Variants in VWA3A observed in about 807,000 individuals in gnomAD.
VWA3A encodes the protein von Willebrand factor A domain-containing protein 3A.
VWA3A carries 134 observed loss-of-function variants against 160.4 expected under a neutral mutation model. The observed-to-expected ratio is 0.84, with a 90% CI of 0.73 to 0.96. The LOEUF (loss-of-function observed/expected upper bound fraction) is 0.96, where lower values mean the gene tolerates loss of function less well. VWA3A is among the 40% of genes least tolerant of loss of function. The probability of loss-of-function intolerance (pLI) is 0.00; values close to 1 mark genes in which losing one functional copy is unlikely to be tolerated. For synonymous variants in VWA3A, 476 were observed against 543.4 expected, an observed-to-expected ratio of 0.88 and a Z score of 1.72; for missense variants, 1,310 against 1,447.9, an observed-to-expected ratio of 0.90 and a Z score of 1.55.
intron 11 of VWA3A, among the ~76,000 whole-genome samples, chr16:22,117,604 A>G (rs2141898892): frequency 6.6e-6 from 1 of 152,328 alleles, no homozygotes; most frequent in East Asian, 1.9e-4. Flanking sequence ...GAAATGAGCA[A>G]TCCATTCTGT....
In VWA3A at chr16:22,156,933, C is replaced by T. The variant is rs983037722; in HGVS notation, c.*916C>T. 2.0e-5 allele frequency: 3 copies of T among 152,130 alleles called. No homozygotes were observed. The highest frequency in any genetic ancestry group is 4.8e-5 in the African/African-American group (2 of 41,410). The allele number at this position is 152,130 out of a possible 1,614,324, so 9.4% of individuals were successfully genotyped here. ...TGACATAAAACTTTATTAAAAGACT[C>T]ATACCATAATAAAGAATTTCAATAA... On this transcript the variant is annotated 3_prime_UTR_variant, in exon 34 of 34. Coordinates refer to ENST00000389398, the MANE Select transcript of VWA3A (RefSeq NM_173615.5).
chr16:22,149,807 C>T lies in VWA3A; in HGVS notation c.3005C>T (p.Ala1002Val). Reference protein sequence around the residue: ...CCDSFNLLSFAESFQSWQDTL... With the variant: ...CCDSFNLLSFVESFQSWQDTL... Reference sequence around the variant, plus strand: ...CCCAGTTTTAACCTGCTCAGCTTTGCAGAGAGCTTTCAGTCATGGCAGGAC... The same window carrying T: ...CCCAGTTTTAACCTGCTCAGCTTTGTAGAGAGCTTTCAGTCATGGCAGGAC... The change falls in exon 29 of 34, where the codon GCA becomes GTA. Residue 1002 changes from alanine to valine, a missense_variant. Ala to Val is a moderately conservative substitution (Grantham distance 64, BLOSUM62 0). Coordinates refer to ENST00000389398, the MANE Select transcript of VWA3A (RefSeq NM_173615.5). 1 of 1,607,416 alleles carries T rather than the reference C, an allele frequency of 6.2e-7. No homozygotes were observed. Among genetic ancestry groups the T allele is most frequent in the East Asian group, 2.2e-5 (1 of 44,598 alleles).
chr16:22,099,542 G>C (rs926477724), intron 3 of VWA3A, among the ~76,000 whole-genome samples: 5 of 152,192 alleles, frequency 3.3e-5, no homozygotes, highest in Admixed American at 6.5e-5. Flanking sequence ...ATGAGTTAAC[G>C]TACGGAAAGT....
rs571631441 is a variant in VWA3A at position 22,126,132 on chromosome 16, A to T, written c.1533-46A>T. Reference sequence around the variant, plus strand: ...AGTAAAATGGAACAAAATAAACATTATCTCAGAGATTCGGTTCTCCTCTTA... The same window carrying T: ...AGTAAAATGGAACAAAATAAACATTTTCTCAGAGATTCGGTTCTCCTCTTA... On this transcript the variant is annotated intron_variant, in intron 16 of 33. Transcript: ENST00000389398. 6.5e-5 allele frequency: 104 copies of T among 1,609,414 alleles called. 2 individuals carry two copies. In the South Asian group the frequency reaches 1.2e-3, roughly 18 times the overall value.
chr16:22,120,306 A>C (rs1329178264), intron 12 of VWA3A, among the ~76,000 whole-genome samples: 1 of 152,192 alleles, frequency 6.6e-6, no homozygotes, highest in Non-Finnish European at 1.5e-5. Flanking sequence ...TAGGTGGTGC[A>C]TGGATTAAAT....
At chr16:22,122,476 G>C (rs1384972915) in intron 14 of VWA3A, among the ~76,000 whole-genome samples, 1 of 152,162 alleles carries the variant, frequency 6.6e-6, no homozygotes, top group African/African-American at 2.4e-5. Context: ...TGAAAGGATG[G>C]AGAAATGGAA....
At position 22,144,361 on chromosome 16, in the gene VWA3A, A is replaced by G; in HGVS notation, c.2707A>G (p.Ile903Val). ...QRSASAKHCS[I>V]FPSVEIHGVV... ...GTCAGCATCCGCCAAACACTGCAGC[A>G]TCTTCCCCAGCGTTGAGATCCATGT... The change falls in exon 26 of 34, where the codon ATC (isoleucine) becomes GTC (valine). Residue 903 changes from isoleucine (I) to valine (V), a missense_variant. Transcript: ENST00000389398. 6.2e-7 allele frequency: 1 copy of G among 1,613,856 alleles called. No individual in the cohort carries two copies. The highest frequency in any genetic ancestry group is 8.5e-7 in the Non-Finnish European group (1 of 1,179,870).
At chr16:22,136,070 C>T (rs1332375146) in intron 21 of VWA3A, among the ~76,000 whole-genome samples, 2 of 152,142 alleles carry the variant, frequency 1.3e-5, no homozygotes, top group African/African-American at 4.8e-5. Flanking sequence ...GGATCACAGG[C>T]GGGAGCCACC....
chr16:22,099,862 G>T (rs1265366221), intron 3 of VWA3A, among the ~76,000 whole-genome samples: 1 of 152,158 alleles, frequency 6.6e-6, no homozygotes, highest in African/African-American at 2.4e-5. Context: ...ATCACTTGAG[G>T]TCAGGAGTTT....
chr16:22,148,855 T>G (rs1354841341), intron 28 of VWA3A, among the ~76,000 whole-genome samples: 1 of 152,206 alleles, frequency 6.6e-6, no homozygotes, highest in East Asian at 1.9e-4. Context: ...CCATGTGGCC[T>G]TGAAGTATGG....
Position 22,152,555 on chromosome 16 carries a change from G to T in VWA3A, c.3326G>T (p.Gly1109Val), listed in dbSNP as rs1437683294. The T allele has an allele frequency of 6.2e-7, 1 of 1,612,622 alleles. No homozygotes were observed. The change falls in exon 31 of 34, where the codon GGA becomes GTA. Residue 1109 changes from glycine to valine, a missense_variant. By Grantham distance (109) the Gly-to-Val change is moderately radical. Coordinates refer to ENST00000389398, the MANE Select transcript of VWA3A (RefSeq NM_173615.5). ...FLRKLASFTG[G>V]RYHCPVGEDT... ...AGAAAGCTGGCTTCCTTCACCGGCGGACGCTATCACTGCCCTGTGGGTGAG... is the reference window on the plus strand; with the variant it reads ...AGAAAGCTGGCTTCCTTCACCGGCGTACGCTATCACTGCCCTGTGGGTGAG...
rs1054877042 is a variant in VWA3A at position 22,152,571 on chromosome 16, T to C, written c.3342T>C (p.Pro1114=). 1.9e-6 allele frequency: 3 copies of C among 1,612,122 alleles called. No individual in the cohort carries two copies. The highest frequency in any genetic ancestry group is 2.7e-5 in the African/African-American group (2 of 74,896). ...TCACCGGCGGACGCTATCACTGCCC[T>C]GTGGGTGAGGACACACTCTCCAAAA... ...ASFTGGRYHC[P]VGEDTLSKIH... is the part of the protein sequence containing the mutation. The change falls in exon 31 of 34, where the codon CCT becomes CCC. Residue 1114 remains proline (P), a synonymous_variant. Transcript: ENST00000389398.
intron 5 of VWA3A, among the ~76,000 whole-genome samples, chr16:22,103,134 A>C (rs978991837): frequency 6.6e-6 from 1 of 152,202 alleles, no homozygotes; most frequent in Non-Finnish European, 1.5e-5. Flanking sequence ...CCTGGGCTCA[A>C]GTGATCCTCC....
rs2045973310 is a variant in VWA3A, at chr16:22,132,905, A to C, written c.1878A>C (p.Thr626=). 1 of 1,612,892 alleles carries C rather than the reference A, an allele frequency of 6.2e-7. No homozygotes were observed. Among genetic ancestry groups the C allele is most frequent in the Non-Finnish European group, 8.5e-7 (1 of 1,179,700 alleles). The change falls in exon 20 of 34, where the codon ACA becomes ACC. Residue 626 remains threonine (T), a synonymous_variant. Coordinates refer to ENST00000389398, the MANE Select transcript of VWA3A (RefSeq NM_173615.5). ...TGGIPDQDMP[T]LSAYMAEACG... is the part of the protein sequence containing the mutation. The stretch of plus-strand genomic sequence containing the variant: ...TACCTTCTCTTCCCCACCAGCCTAC[A>C]CTCAGTGCCTACATGGCTGAGGCCT...
intron 8 of VWA3A, among the ~76,000 whole-genome samples, chr16:22,111,627 A>G (rs1017403008): frequency 6.6e-6 from 1 of 152,154 alleles, no homozygotes; most frequent in African/African-American, 2.4e-5. Flanking sequence ...GATTATAGGC[A>G]TGCACTACCA....
At position 22,105,976 on chromosome 16, in the gene VWA3A, G is replaced by A. The variant is rs549441006; in HGVS notation, c.483+2447G>A. On this transcript the variant is annotated intron_variant, in intron 6 of 33. Coordinates refer to ENST00000389398, the MANE Select transcript of VWA3A (RefSeq NM_173615.5). ...CCAGTACTTGCTGAAGGAATGGTTCGCTGTCGGGGGAAAAAACATGACCAA... is the reference window on the plus strand; with the variant it reads ...CCAGTACTTGCTGAAGGAATGGTTCACTGTCGGGGGAAAAAACATGACCAA... Among the ~76,000 whole-genome samples, 342 of 152,282 alleles carry A rather than the reference G, an allele frequency of 2.2e-3. 1 individual carries two copies. Among genetic ancestry groups the A allele is most frequent in the Non-Finnish European group, 4.0e-3 (275 of 68,026 alleles).
At chr16:22,095,594 A>G (rs564024514) in intron 1 of VWA3A, among the ~76,000 whole-genome samples, 1 of 152,254 alleles carries the variant, frequency 6.6e-6, no homozygotes, top group African/African-American at 2.4e-5. Flanking sequence ...ATCTCCCTCT[A>G]TTGCCCAGGA....
chr16:22,129,539 A>G (rs949016544), intron 17 of VWA3A, among the ~76,000 whole-genome samples: 1 of 152,178 alleles, frequency 6.6e-6, no homozygotes, highest in Non-Finnish European at 1.5e-5. Context: ...CAGATCTCTG[A>G]AGGGAAAGAT....
intron 31 of VWA3A, among the ~76,000 whole-genome samples, chr16:22,155,035 T>C (rs1318583528): frequency 7.2e-6 from 1 of 138,716 alleles, no homozygotes; most frequent in Non-Finnish European, 1.5e-5. Flanking sequence ...ATGCCTGTGG[T>C]CCTAGCTACT....
Sources: allele counts gnomAD v4.1 joint callset (sites outside exome capture counted in the v4.1 genomes callset), GRCh38; gene constraint gnomAD v4.1.1; transcripts MANE v1.5; gene names NCBI Gene and HGNC (gene_info 2026-07-23, HGNC 2026-07-21).